The following PRKAG2 variants were observed in gnomAD, a reference collection of about 807,000 sequenced individuals.
PRKAG2 encodes the protein protein kinase AMP-activated non-catalytic subunit gamma 2, also known as 5'-AMP-activated protein kinase subunit gamma-2.
PRKAG2 carries 26 observed loss-of-function variants against 69.6 expected under a neutral mutation model. The ratio of observed to expected loss-of-function variants is 0.37; its 90% CI spans 0.27 to 0.52. The LOEUF (loss-of-function observed/expected upper bound fraction) is 0.52, where lower values mean the gene tolerates loss of function less well. Among genes scored for constraint, PRKAG2 ranks in the 20% least tolerant of loss-of-function variants. The pLI, the probability that PRKAG2 is intolerant of heterozygous loss-of-function variation, is 0.90. For missense variants in PRKAG2, 557 were observed against 740.0 expected (o/e 0.75, Z 2.87); for synonymous variants, 293 against 285.0 (o/e 1.03, Z -0.28).
At chr7:151,864,492 G>A (rs1012773241) in intron 1 of PRKAG2, among the ~76,000 whole-genome samples, 1 of 152,194 alleles carries the variant, frequency 6.6e-6, no homozygotes, top group African/African-American at 2.4e-5. Context: ...CCCTAGAGGG[G>A]AGGTCTCCTG....
intron 1 of PRKAG2, among the ~76,000 whole-genome samples, chr7:151,824,365 T>C (rs562065269): frequency 9.8e-5 from 15 of 152,290 alleles, no homozygotes; most frequent in African/African-American, 2.2e-4. Context: ...ACAGAAGTGA[T>C]TGGATTATGC....
rs529939927 is a variant in PRKAG2, at chr7:151,797,995, C to CTTTG, written c.115-11458_115-11455dup. On this transcript the variant is annotated intron_variant, in intron 1 of 15. Transcript: ENST00000287878. Reference sequence around the variant, plus strand: ...TCACACACACATAGAATAAAATGTACTTTGTTTGTTTGTTTGTTTTTTCCC... The same window carrying CTTTG: ...TCACACACACATAGAATAAAATGTACTTTGTTTGTTTGTTTGTTTGTTTTTTCCC... 6.0e-3 allele frequency among the ~76,000 whole-genome samples: 907 copies of CTTTG among 152,304 alleles called. 11 individuals are homozygous for CTTTG. Among genetic ancestry groups the CTTTG allele is most frequent in the African/African-American group, 0.021 (869 of 41,558 alleles).
At chr7:151,865,563 G>A (rs996951201) in intron 1 of PRKAG2, among the ~76,000 whole-genome samples, 3 of 152,234 alleles carry the variant, frequency 2.0e-5, no homozygotes, top group South Asian at 2.1e-4. Context: ...ACAACAGGCT[G>A]CGGTCAATAC....
intron 3 of PRKAG2, among the ~76,000 whole-genome samples, chr7:151,765,975 G>T (rs1299748015): frequency 6.6e-6 from 1 of 152,172 alleles, no homozygotes; most frequent in East Asian, 1.9e-4. Flanking sequence ...AACGTTGACA[G>T]GTGATTCATC....
At chr7:151,759,695 A>C (rs1304072077) in intron 3 of PRKAG2, among the ~76,000 whole-genome samples, 3 of 152,178 alleles carry the variant, frequency 2.0e-5, no homozygotes, top group Non-Finnish European at 4.4e-5. Context: ...TGCTCCCAGC[A>C]CCAGACTCAG....
chr7:151,731,869 A>T (rs1172708854), intron 3 of PRKAG2, among the ~76,000 whole-genome samples: 1 of 152,046 alleles, frequency 6.6e-6, no homozygotes, highest in Non-Finnish European at 1.5e-5. Context: ...ACAGTGTCTC[A>T]CTCTGTCTCC....
intron 15 of PRKAG2, chr7:151,558,774 T>A (rs1207581973): frequency 6.1e-6 from 6 of 985,412 alleles, no homozygotes; most frequent in Non-Finnish European, 7.2e-6. Context: ...GGAAATAGAT[T>A]CCTCTCTGCA....
rs2076674647 is a variant in PRKAG2 at position 151,781,601 on chromosome 7, G to A, written c.187-170C>T. 6.6e-6 allele frequency among the ~76,000 whole-genome samples: 1 copy of A among 152,200 alleles called. No homozygotes were observed. Among genetic ancestry groups the A allele is most frequent in the Admixed American group, 6.5e-5 (1 of 15,276 alleles). The stretch of plus-strand genomic sequence containing the variant: ...AGAGGTAGCCACTGAATGGTCTGCA[G>A]GTAGCACCTGCCCCAAGGATGGCCC... On this transcript the variant is annotated intron_variant, in intron 2 of 15. Transcript: ENST00000287878. This position sits in a 1 kb window ranked among gnomAD's most constrained non-coding sequence, Gnocchi z 6.1.
chr7:151,742,651 A>T (rs1047915485), intron 3 of PRKAG2, among the ~76,000 whole-genome samples: 15 of 152,100 alleles, frequency 9.9e-5, no homozygotes, highest in African/African-American at 3.6e-4. Flanking sequence ...AAAATAAAAT[A>T]AAAAGTCCTT....
intron 1 of PRKAG2, among the ~76,000 whole-genome samples, chr7:151,830,939 C>T (rs572749214): frequency 6.6e-6 from 1 of 152,000 alleles, no homozygotes; most frequent in South Asian, 2.1e-4. Context: ...TCACTTAATT[C>T]TCCCAAGAAA....
In PRKAG2 at chr7:151,802,820, C is replaced by T. The variant is rs187081839; in HGVS notation, c.115-16279G>A. Among the ~76,000 whole-genome samples, 454 of 152,166 alleles carry T rather than the reference C, an allele frequency of 3.0e-3. 3 individuals are homozygous for T. Among genetic ancestry groups the T allele is most frequent in the African/African-American group, 0.01 (434 of 41,496 alleles). ...TTCTGCAGCAGCCACCTGACCTACA[C>T]GCTGTCCTGGGACACCCTCTACTCC... On this transcript the variant is annotated intron_variant, in intron 1 of 15. Transcript: ENST00000287878.
chr7:151,873,823 C>T (rs1242662345), intron 1 of PRKAG2, among the ~76,000 whole-genome samples: 1 of 152,134 alleles, frequency 6.6e-6, no homozygotes, highest in Non-Finnish European at 1.5e-5. Context: ...CCCACGGGCA[C>T]GCCCACACAT....
At chr7:151,738,773 T>C (rs954745505) in intron 3 of PRKAG2, among the ~76,000 whole-genome samples, 2 of 152,254 alleles carry the variant, frequency 1.3e-5, no homozygotes, top group African/African-American at 4.8e-5. Flanking sequence ...AAATCTCTGT[T>C]GGGGCTCTCA....
intron 1 of PRKAG2, among the ~76,000 whole-genome samples, chr7:151,867,565 A>T (rs1329111415): frequency 1.3e-5 from 2 of 152,164 alleles, no homozygotes; most frequent in Non-Finnish European, 2.9e-5. Context: ...TAATGGCCTC[A>T]TCCTAATCTA....
intron 3 of PRKAG2, among the ~76,000 whole-genome samples, chr7:151,698,948 A>G (rs773398910): frequency 3.3e-5 from 5 of 152,176 alleles, no homozygotes; most frequent in Non-Finnish European, 7.4e-5. Flanking sequence ...GTGGAACCCT[A>G]GGAAAACCCA....
chr7:151,568,548 A>T, intron 11 of PRKAG2, 168 bp downstream of exon 11: 1 of 668,488 alleles, frequency 1.5e-6, no homozygotes, highest in Non-Finnish European at 2.5e-6. Context: ...AATCAACTTT[A>T]AGAATGTACA....
Position 151,638,603 on chromosome 7 carries a change from C to T in PRKAG2, c.685-6465G>A, listed in dbSNP as rs1284357775. Among the ~76,000 whole-genome samples, 1 of 151,902 alleles carries T rather than the reference C, an allele frequency of 6.6e-6. No individual in the cohort carries two copies. Among genetic ancestry groups the T allele is most frequent in the Non-Finnish European group, 1.5e-5 (1 of 68,000 alleles). ...GAGCCAAGATTGCACCACTGCACTC[C>T]AGCTTGGCGACAGAGTGAGACTCTG... is the stretch of plus-strand genomic sequence containing the variant. On this transcript the variant is annotated intron_variant, in intron 4 of 15. Coordinates refer to ENST00000287878, the MANE Select transcript of PRKAG2 (RefSeq NM_016203.4). This position sits in a 1 kb window ranked among gnomAD's most constrained non-coding sequence, Gnocchi z 4.3.
chr7:151,745,017 G>C (rs771413948), intron 3 of PRKAG2, among the ~76,000 whole-genome samples: 7 of 152,176 alleles, frequency 4.6e-5, no homozygotes, highest in African/African-American at 1.7e-4. Context: ...AGGATCCGTG[G>C]GCAGCTTGTG....
chr7:151,640,623 ATTCTT>A (rs1418800148), intron 4 of PRKAG2, among the ~76,000 whole-genome samples: 1 of 151,814 alleles, frequency 6.6e-6, no homozygotes, highest in Non-Finnish European at 1.5e-5. Context: ...GCCTTTCCCG[ATTCTT>A]TTCTTTCAGT....
Sources: allele counts gnomAD v4.1 joint callset (sites outside exome capture counted in the v4.1 genomes callset), GRCh38; gene constraint gnomAD v4.1.1; non-coding constraint Gnocchi (gnomAD v3.1); transcripts MANE v1.5; gene names NCBI Gene and HGNC (gene_info 2026-07-23, HGNC 2026-07-21).